Variants in ITGA1 observed in about 807,000 individuals in gnomAD.
The protein encoded by ITGA1 is integrin alpha-1.
Under a neutral mutation model 145.9 loss-of-function variants are expected in ITGA1, and 85 were observed. That is an observed-to-expected ratio of 0.58 (90% CI 0.49 to 0.70). ITGA1 has a LOEUF of 0.70. Among genes scored for constraint, ITGA1 ranks in the 30% least tolerant of loss-of-function variants. The pLI is 0.00. For synonymous variants in ITGA1, 520 were observed against 495.3 expected, an observed-to-expected ratio of 1.05 and a Z score of -0.66; for missense variants, 1,351 against 1,418.7, an observed-to-expected ratio of 0.95 and a Z score of 0.77.
intron 1 of ITGA1, among the ~76,000 whole-genome samples, chr5:52,843,745 G>C (rs966609191): frequency 6.6e-6 from 1 of 152,048 alleles, no homozygotes; most frequent in Non-Finnish European, 1.5e-5. Flanking sequence ...CAACTCAATA[G>C]CACCCTAGTT....
chr5:52,827,616 A>T (rs933553981), intron 1 of ITGA1, among the ~76,000 whole-genome samples: 1 of 152,190 alleles, frequency 6.6e-6, no homozygotes, highest in Admixed American at 6.6e-5. Context: ...TGAAGAGTCA[A>T]TTGATGTGGC....
intron 1 of ITGA1, among the ~76,000 whole-genome samples, chr5:52,835,002 C>T (rs1177542104): frequency 1.3e-5 from 2 of 152,040 alleles, no homozygotes; most frequent in Non-Finnish European, 2.9e-5. Context: ...AGTAGAAGGA[C>T]GTAAAAGGCA....
At chr5:52,879,383 C>T (rs1749918571) in intron 6 of ITGA1, among the ~76,000 whole-genome samples, 1 of 152,132 alleles carries the variant, frequency 6.6e-6, no homozygotes, top group Non-Finnish European at 1.5e-5. Context: ...TTAACTTCCA[C>T]AACAGTGTTT....
chr5:52,796,226 A>G (rs571176871), intron 1 of ITGA1, among the ~76,000 whole-genome samples: 2 of 151,916 alleles, frequency 1.3e-5, no homozygotes, highest in Non-Finnish European at 2.9e-5. Flanking sequence ...ACAATCCAGG[A>G]TGCTTGACTT....
intron 23 of ITGA1, among the ~76,000 whole-genome samples, chr5:52,935,474 C>T (rs983614027): frequency 6.6e-6 from 1 of 152,080 alleles, no homozygotes; most frequent in Non-Finnish European, 1.5e-5. Flanking sequence ...TTTTAGAAGG[C>T]ACATTTTGGA....
chr5:52,887,704 G>A (rs1750076312), intron 7 of ITGA1, 111 bp from the exon 8 acceptor site: 3 of 956,528 alleles, frequency 3.1e-6, no homozygotes, highest in South Asian at 4.3e-5. Context: ...TGCTAATTTT[G>A]GAGGGAAGCA....
chr5:52,924,978 T>C (rs1750782363), intron 18 of ITGA1, among the ~76,000 whole-genome samples: 1 of 152,228 alleles, frequency 6.6e-6, no homozygotes, highest in Non-Finnish European at 1.5e-5. Flanking sequence ...CTTGCAGTAC[T>C]TGACTTTGTA....
At chr5:52,952,330 A>C in intron 28 of ITGA1, 77 bp from the exon 29 acceptor site, 1 of 721,714 alleles carries the variant, frequency 1.4e-6, no homozygotes, top group Non-Finnish European at 2.2e-6. Flanking sequence ...TATTAAATTT[A>C]ATTCTATCCA....
intron 6 of ITGA1, among the ~76,000 whole-genome samples, chr5:52,870,045 A>G (rs1749754671): frequency 6.6e-6 from 1 of 152,246 alleles, no homozygotes; most frequent in South Asian, 2.1e-4. Flanking sequence ...ATTTGGAAAG[A>G]CATTTCCTTT....
At chr5:52,935,566 G>A (rs1184459826) in intron 23 of ITGA1, among the ~76,000 whole-genome samples, 6 of 152,074 alleles carry the variant, frequency 3.9e-5, no homozygotes, top group African/African-American at 1.2e-4. Flanking sequence ...TTACCTCATA[G>A]ATAAAACAAA....
intron 6 of ITGA1, among the ~76,000 whole-genome samples, chr5:52,866,286 G>A (rs529915906): frequency 6.6e-6 from 1 of 152,154 alleles, no homozygotes; most frequent in Non-Finnish European, 1.5e-5. Context: ...CAAAGCATTG[G>A]TATTACAGGC....
intron 15 of ITGA1, among the ~76,000 whole-genome samples, chr5:52,918,366 G>A (rs1477349731): frequency 6.6e-6 from 1 of 152,122 alleles, no homozygotes; most frequent in African/African-American, 2.4e-5. Flanking sequence ...GATAGCAGGG[G>A]TCTACGGGCT....
At chr5:52,848,763 T>G (rs963351333) in intron 1 of ITGA1, among the ~76,000 whole-genome samples, 5 of 142,434 alleles carry the variant, frequency 3.5e-5, no homozygotes, top group African/African-American at 1.0e-4. Flanking sequence ...GTGTGTGATG[T>G]TCCCCTTCCT....
At position 52,834,389 on chromosome 5, in the gene ITGA1, C is replaced by T. The variant is rs542958172; in HGVS notation, c.62-14976C>T. On this transcript the variant is annotated intron_variant, in intron 1 of 28. Coordinates refer to ENST00000282588, the MANE Select transcript of ITGA1 (RefSeq NM_181501.2). ...GTCTTGTAAATGGCCATCTTCTTGC[C>T]GTATCCTCACACGGCCTTATCTCTG... 1.1e-4 allele frequency among the ~76,000 whole-genome samples: 16 copies of T among 151,848 alleles called. No individual in the cohort carries two copies. In the South Asian group the frequency reaches 1.2e-3, roughly 12 times the overall value.
intron 1 of ITGA1, among the ~76,000 whole-genome samples, chr5:52,820,898 T>A (rs190690028): frequency 4.5e-4 from 69 of 152,300 alleles, no homozygotes; most frequent in African/African-American, 1.5e-3. Context: ...TCTGTTTTGA[T>A]TAAAACCCCT....
chr5:52,884,111 T>C (rs926862969), intron 7 of ITGA1, among the ~76,000 whole-genome samples: 2 of 152,178 alleles, frequency 1.3e-5, no homozygotes, highest in African/African-American at 2.4e-5. Flanking sequence ...AAGACTAACA[T>C]GTAACGTCTG....
chr5:52,912,921 C>T (rs539117510), intron 14 of ITGA1, among the ~76,000 whole-genome samples: 47 of 151,684 alleles, frequency 3.1e-4, no homozygotes, highest in East Asian at 9.7e-4. Context: ...TAATTTTTTG[C>T]ATTTTTAGTA....
intron 23 of ITGA1, among the ~76,000 whole-genome samples, chr5:52,934,520 T>C (rs1182289126): frequency 6.6e-6 from 1 of 151,912 alleles, no homozygotes; most frequent in African/African-American, 2.4e-5. Context: ...TACTATAAAT[T>C]ACTCATGTTG....
intron 25 of ITGA1, 50 bp from the exon 26 acceptor site, chr5:52,939,790 T>A: frequency 6.9e-7 from 1 of 1,442,756 alleles, no homozygotes; most frequent in African/African-American, 1.4e-5. Context: ...AATATAGATA[T>A]TTGATAAAAC....
Sources: allele counts gnomAD v4.1 joint callset (sites outside exome capture counted in the v4.1 genomes callset), GRCh38; gene constraint gnomAD v4.1.1; transcripts MANE v1.5; gene names NCBI Gene and HGNC (gene_info 2026-07-23, HGNC 2026-07-21).